PTPRD: variants seen among roughly 807,000 people sequenced by gnomAD.
The protein encoded by PTPRD is protein tyrosine phosphatase receptor type D.
PTPRD carries 34 observed loss-of-function variants against 214.5 expected under a neutral mutation model. The ratio of observed to expected loss-of-function variants is 0.16; its 90% CI spans 0.12 to 0.21. The LOEUF is 0.21. PTPRD is among the 10% of genes least tolerant of loss of function. The pLI is 1.00. For missense variants in PTPRD, 2,545 were observed against 2,398.7 expected (o/e 1.06, Z -1.27); for synonymous variants, 1,128 against 845.7 (o/e 1.33, Z -5.79).
intron 2 of PTPRD, among the ~76,000 whole-genome samples, chr9:10,439,252 C>A (rs1459789025): frequency 6.6e-6 from 1 of 151,756 alleles, no homozygotes; most frequent in African/African-American, 2.4e-5. Context: ...CCCTGAATGA[C>A]TTTTTATGAC....
chr9:9,381,450 T>A (rs2062212328), intron 9 of PTPRD, among the ~76,000 whole-genome samples: 1 of 150,638 alleles, frequency 6.6e-6, no homozygotes, highest in African/African-American at 2.4e-5. Context: ...AGTCTTGACC[T>A]CTTGGGCTCA....
At chr9:10,474,134 A>C (rs1331217779) in intron 2 of PTPRD, among the ~76,000 whole-genome samples, 1 of 152,148 alleles carries the variant, frequency 6.6e-6, no homozygotes, top group East Asian at 1.9e-4. Context: ...CACACATAAC[A>C]ATATGAACCT....
At chr9:8,713,571 G>C in intron 12 of PTPRD, 1 of 1,480,308 alleles carries the variant, frequency 6.8e-7, no homozygotes, top group Non-Finnish European at 9.4e-7. Flanking sequence ...GTGACTCCCG[G>C]AGCGGCACCC....
rs1351994399 is a variant in PTPRD, at chr9:9,715,108, T to C, written c.-287+19425A>G. 2.0e-5 allele frequency among the ~76,000 whole-genome samples: 3 copies of C among 152,300 alleles called. No individual in the cohort carries two copies. The East Asian group carries it at 5.8e-4, about 29-fold the overall frequency. On this transcript the variant is annotated intron_variant, in intron 7 of 45. Coordinates refer to ENST00000381196, the MANE Select transcript of PTPRD (RefSeq NM_002839.4). Reference sequence around the variant, plus strand: ...ATGCTGGATCCTCGTCCAAATAACTTTGTGACTTTGGGCAAATTACTTTAT... The same window carrying C: ...ATGCTGGATCCTCGTCCAAATAACTCTGTGACTTTGGGCAAATTACTTTAT...
intron 4 of PTPRD, among the ~76,000 whole-genome samples, chr9:9,965,507 G>C (rs762016605): frequency 3.9e-5 from 6 of 152,176 alleles, no homozygotes; most frequent in Non-Finnish European, 7.3e-5. Flanking sequence ...TAGACAGCAG[G>C]TCAGTTCAAA....
intron 5 of PTPRD, among the ~76,000 whole-genome samples, chr9:9,789,544 T>C (rs2098951380): frequency 6.6e-6 from 1 of 152,020 alleles, no homozygotes; most frequent in African/African-American, 2.4e-5. Context: ...ACGCCTGTAA[T>C]CCCAGCACTT....
chr9:10,054,908 G>C (rs1201949808), intron 3 of PTPRD, among the ~76,000 whole-genome samples: 1 of 151,942 alleles, frequency 6.6e-6, no homozygotes, highest in Non-Finnish European at 1.5e-5. Flanking sequence ...TTGGGGGTGG[G>C]GTCTTTAGGA....
chr9:9,566,118 GTA>G (rs886351666), intron 8 of PTPRD, among the ~76,000 whole-genome samples: 5 of 151,798 alleles, frequency 3.3e-5, no homozygotes, highest in Admixed American at 3.3e-4. Flanking sequence ...TCATCTTGGT[GTA>G]TATATATTTT....
chr9:8,775,891 T>A (rs2095452222), intron 11 of PTPRD, among the ~76,000 whole-genome samples: 1 of 151,518 alleles, frequency 6.6e-6, no homozygotes, highest in African/African-American at 2.4e-5. Context: ...ATAGTAACAA[T>A]GATATAAACT....
At chr9:10,334,808 G>C (rs2096816872) in intron 3 of PTPRD, among the ~76,000 whole-genome samples, 1 of 151,580 alleles carries the variant, frequency 6.6e-6, no homozygotes, top group South Asian at 2.1e-4. Flanking sequence ...CAATTAACAA[G>C]TGGAATTTGA....
intron 22 of PTPRD, among the ~76,000 whole-genome samples, chr9:8,504,871 CAT>C (rs763050325): frequency 5.4e-4 from 82 of 152,258 alleles, no homozygotes; most frequent in Admixed American, 2.2e-3. Context: ...GCAAAGAAAA[CAT>C]GACCAGAAGT....
chr9:8,837,511 G>A (rs1011846154), intron 11 of PTPRD, among the ~76,000 whole-genome samples: 2 of 151,790 alleles, frequency 1.3e-5, no homozygotes, highest in African/African-American at 4.8e-5. Flanking sequence ...GTTTTGTTTT[G>A]TTTTGTTTTG....
intron 8 of PTPRD, among the ~76,000 whole-genome samples, chr9:9,510,656 T>C (rs905359574): frequency 9.9e-5 from 15 of 151,422 alleles, no homozygotes; most frequent in East Asian, 3.9e-4. Context: ...TTTTTTTTTT[T>C]CTAGAAAAAA....
At chr9:8,545,359 C>G (rs1385882951) in intron 14 of PTPRD, among the ~76,000 whole-genome samples, 2 of 152,268 alleles carry the variant, frequency 1.3e-5, no homozygotes, top group East Asian at 3.9e-4. Flanking sequence ...TCGGGGGTAC[C>G]TGGACTCCAG....
intron 6 of PTPRD, among the ~76,000 whole-genome samples, chr9:9,735,970 G>A (rs2098285937): frequency 6.6e-6 from 1 of 152,104 alleles, no homozygotes; most frequent in South Asian, 2.1e-4. Context: ...ACACCTTGAA[G>A]TTAACCAGTA....
intron 20 of PTPRD, among the ~76,000 whole-genome samples, chr9:8,520,586 T>C (rs918788768): frequency 2.0e-5 from 3 of 152,156 alleles, no homozygotes; most frequent in African/African-American, 7.2e-5. Context: ...AAACACTTTC[T>C]AGAATTCTAT....
At chr9:9,176,751 T>C (rs1170136988) in intron 10 of PTPRD, among the ~76,000 whole-genome samples, 1 of 152,172 alleles carries the variant, frequency 6.6e-6, no homozygotes, top group East Asian at 1.9e-4. Flanking sequence ...TTCCACCTTC[T>C]TCCCTTCTGC....
At chr9:8,599,823 G>C (rs1466499225) in intron 14 of PTPRD, among the ~76,000 whole-genome samples, 1 of 151,838 alleles carries the variant, frequency 6.6e-6, no homozygotes, top group South Asian at 2.1e-4. Flanking sequence ...CTCCATGTTG[G>C]TCAGGCTGGT....
chr9:9,256,545 C>T (rs536230951), intron 9 of PTPRD, among the ~76,000 whole-genome samples: 1 of 151,876 alleles, frequency 6.6e-6, no homozygotes, highest in South Asian at 2.1e-4. Context: ...TCAGGAGGAC[C>T]CTTTAAAGTG....
Sources: allele counts gnomAD v4.1 joint callset (sites outside exome capture counted in the v4.1 genomes callset), GRCh38; gene constraint gnomAD v4.1.1; transcripts MANE v1.5; gene names NCBI Gene and HGNC (gene_info 2026-07-23, HGNC 2026-07-21).